The following CBLB variants were observed in gnomAD, a reference collection of about 807,000 sequenced individuals.
The protein encoded by CBLB is Cbl proto-oncogene B.
A neutral mutation model predicts 104.9 loss-of-function variants in CBLB; 31 were observed. The observed-to-expected ratio is 0.30, with a 90% confidence interval of 0.22 to 0.40. CBLB has a LOEUF of 0.40. CBLB is among the 10% of genes least tolerant of loss of function. The pLI, the probability that CBLB is intolerant of heterozygous loss-of-function variation, is 1.00. For synonymous variants in CBLB, 440 were observed against 422.6 expected, an observed-to-expected ratio of 1.04 and a Z score of -0.51; for missense variants, 1,062 against 1,214.6, an observed-to-expected ratio of 0.87 and a Z score of 1.87.
chr3:105,836,160 A>G (rs1025099475), intron 3 of CBLB, among the ~76,000 whole-genome samples: 11 of 152,216 alleles, frequency 7.2e-5, no homozygotes, highest in Non-Finnish European at 1.5e-5. Flanking sequence ...CAGAGGTACC[A>G]CTTCTCTTAA....
At chr3:105,785,818 T>C (rs974287331) in intron 3 of CBLB, among the ~76,000 whole-genome samples, 2 of 152,148 alleles carry the variant, frequency 1.3e-5, no homozygotes, top group African/African-American at 4.8e-5. Context: ...TGTGCAAATA[T>C]AAAGATAAAA....
chr3:105,695,455 G>T (rs2068247104), intron 12 of CBLB, among the ~76,000 whole-genome samples: 1 of 151,708 alleles, frequency 6.6e-6, no homozygotes, highest in African/African-American at 2.4e-5. Context: ...ATATTTTTAT[G>T]TACTACTATT....
intron 17 of CBLB, chr3:105,671,189 G>A (rs2065025479): frequency 5.0e-6 from 1 of 198,192 alleles, no homozygotes; most frequent in Non-Finnish European, 1.0e-5. Flanking sequence ...TAAATTCTTA[G>A]AGAATTGATT....
intron 4 of CBLB, among the ~76,000 whole-genome samples, chr3:105,761,672 T>C (rs1209582696): frequency 2.0e-5 from 3 of 152,210 alleles, no homozygotes; most frequent in African/African-American, 7.2e-5. Context: ...AATTACCCAA[T>C]TTTGAGTATG....
intron 10 of CBLB, among the ~76,000 whole-genome samples, chr3:105,707,237 A>T (rs1478900930): frequency 6.6e-6 from 1 of 152,206 alleles, no homozygotes. Flanking sequence ...AATTGGAAGC[A>T]TATCTTGCTT....
intron 12 of CBLB, among the ~76,000 whole-genome samples, chr3:105,700,791 T>G (rs2068982469): frequency 6.6e-6 from 1 of 152,346 alleles, no homozygotes; most frequent in Middle Eastern, 3.4e-3. Flanking sequence ...CTTCCTTTCC[T>G]GGCTACCCCA....
At chr3:105,777,351 G>C (rs2079602847) in intron 3 of CBLB, among the ~76,000 whole-genome samples, 2 of 152,204 alleles carry the variant, frequency 1.3e-5, no homozygotes, top group Admixed American at 1.3e-4. Context: ...GAAATGGAGA[G>C]TCAGGCTAGG....
At chr3:105,724,049 G>A in intron 9 of CBLB, 1 of 170,134 alleles carries the variant, frequency 5.9e-6, no homozygotes. Flanking sequence ...ATGTAGCTAT[G>A]AGGTTGCCAC....
At chr3:105,720,457 G>A (rs936314743) in intron 9 of CBLB, among the ~76,000 whole-genome samples, 2 of 151,920 alleles carry the variant, frequency 1.3e-5, no homozygotes, top group African/African-American at 4.8e-5. Flanking sequence ...TTCAGTTTCC[G>A]AAGGAAAAAT....
chr3:105,733,356 C>CA (rs1171217619), intron 9 of CBLB, among the ~76,000 whole-genome samples: 3,325 of 70,760 alleles, frequency 0.047, 151 homozygotes, highest in Admixed American at 0.21. Context: ...GACTCTGTCT[C>CA]AAAAAAAAAA....
intron 10 of CBLB, among the ~76,000 whole-genome samples, chr3:105,710,094 A>G (rs971932158): frequency 6.6e-6 from 1 of 151,884 alleles, no homozygotes; most frequent in African/African-American, 2.4e-5. Context: ...TTGATTTGAA[A>G]GTGCTCTTTA....
intron 13 of CBLB, among the ~76,000 whole-genome samples, chr3:105,689,667 T>C (rs1446076420): frequency 6.6e-6 from 1 of 151,522 alleles, no homozygotes; most frequent in Non-Finnish European, 1.5e-5. Flanking sequence ...TATCATTTAG[T>C]TTTAATTTTG....
At chr3:105,683,174 A>G (rs1559805981) in intron 14 of CBLB, among the ~76,000 whole-genome samples, 1 of 152,194 alleles carries the variant, frequency 6.6e-6, no homozygotes, top group Non-Finnish European at 1.5e-5. Context: ...ATAATGATGG[A>G]TTTTTACTGA....
At chr3:105,729,588 C>T (rs1006093168) in intron 9 of CBLB, among the ~76,000 whole-genome samples, 1 of 152,044 alleles carries the variant, frequency 6.6e-6, no homozygotes, top group African/African-American at 2.4e-5. Flanking sequence ...TAAGTCCAGA[C>T]ACCTAATACC....
At chr3:105,823,998 C>T (rs537611662) in intron 3 of CBLB, among the ~76,000 whole-genome samples, 1 of 152,200 alleles carries the variant, frequency 6.6e-6, no homozygotes, top group Non-Finnish European at 1.5e-5. Flanking sequence ...ATTTCTCCCT[C>T]ACATTCTCAC....
At chr3:105,776,254 CCAAT>C (rs9657920) in intron 4 of CBLB, 138 bp downstream of exon 4, 512,629 of 726,660 alleles carry the variant, frequency 0.71, 186,035 homozygotes, top group Middle Eastern at 0.79. Context: ...ATAAAAATTA[CCAAT>C]CAATCAAAAT....
chr3:105,764,181 G>A (rs2152936934), intron 4 of CBLB, among the ~76,000 whole-genome samples: 1 of 152,310 alleles, frequency 6.6e-6, no homozygotes, highest in Non-Finnish European at 1.5e-5. Context: ...AGAGGATTAA[G>A]ACCAGGACCT....
chr3:105,854,248 A>G (rs1358269531), intron 2 of CBLB, among the ~76,000 whole-genome samples: 1 of 152,234 alleles, frequency 6.6e-6, no homozygotes, highest in South Asian at 2.1e-4. Flanking sequence ...CATGTGGCAT[A>G]TAACGGTTCA....
chr3:105,776,813 G>T (rs950068075), intron 3 of CBLB, among the ~76,000 whole-genome samples: 1 of 151,878 alleles, frequency 6.6e-6, no homozygotes, highest in African/African-American at 2.4e-5. Flanking sequence ...TAATTTCACT[G>T]AGCTCACAGA....
Sources: allele counts gnomAD v4.1 joint callset (sites outside exome capture counted in the v4.1 genomes callset), GRCh38; gene constraint gnomAD v4.1.1; transcripts MANE v1.5; gene names NCBI Gene and HGNC (gene_info 2026-07-23, HGNC 2026-07-21).